The following NBPF14 variants were observed in gnomAD, a reference collection of about 807,000 sequenced individuals.
NBPF14 encodes the protein NBPF member 14, also known as NBPF family member NBPF14.
A neutral mutation model predicts 91.2 loss-of-function variants in NBPF14; 104 were observed. That is an observed-to-expected ratio of 1.14 (90% CI 0.97 to 1.34). NBPF14 has a LOEUF of 1.34. NBPF14 is among the 40% of genes most tolerant of loss of function. NBPF14 has a pLI of 0.00. For missense variants in NBPF14, 908 were observed against 783.0 expected (o/e 1.16, Z -1.91); for synonymous variants, 294 against 303.8 (o/e 0.97, Z 0.34).
chr1:148,539,343 A>T, intron 63 of NBPF14, 67 bp downstream of exon 63: 1 of 535,924 alleles, frequency 1.9e-6, no homozygotes, highest in Non-Finnish European at 3.2e-6. Flanking sequence ...GGGCACTTGG[A>T]ACAGGAATAT....
chr1:148,586,913 C>T (rs1292471248), intron 8 of NBPF14, among the ~76,000 whole-genome samples: 1 of 143,484 alleles, frequency 7.0e-6, no homozygotes, highest in Non-Finnish European at 1.6e-5. Context: ...GTCGAGGAGG[C>T]AACATTGATT....
In NBPF14 at chr1:148,533,847, T is replaced by C. The variant is rs1172024006; in HGVS notation, c.8723+14A>G. 7 of 765,246 alleles carry C rather than the reference T, an allele frequency of 9.1e-6. No homozygotes were observed. The highest frequency in any genetic ancestry group is 5.4e-5 in the South Asian group (4 of 74,510). The allele number at this position is 765,246 out of a possible 1,614,324, so 47.4% of individuals were successfully genotyped here. On this transcript the variant is annotated intron_variant, in intron 70 of 70. Coordinates refer to ENST00000619423, the Ensembl canonical transcript of NBPF14. ...TTAACACAGAACTAAGGATCCACAA[T>C]TGCTGAAAGTCACCTGGGGCATGGT...
At chr1:148,578,909 G>C (rs1313773619) in intron 13 of NBPF14, among the ~76,000 whole-genome samples, 165 bp downstream of exon 13, 1 of 148,034 alleles carries the variant, frequency 6.8e-6, no homozygotes, top group African/African-American at 2.5e-5. Flanking sequence ...CCCCATGCCT[G>C]TGCTTCAGAC....
chr1:148,576,098 G>T (rs1333749591), intron 16 of NBPF14, among the ~76,000 whole-genome samples: 2 of 138,624 alleles, frequency 1.4e-5, no homozygotes, highest in African/African-American at 5.7e-5. Flanking sequence ...CTGAGTTAGT[G>T]CCCTCGGGAC....
intron 7 of NBPF14, among the ~76,000 whole-genome samples, chr1:148,588,686 T>C (rs1661976006): frequency 6.6e-6 from 1 of 151,872 alleles, no homozygotes; most frequent in Non-Finnish European, 1.5e-5. Context: ...CAGGTTCTAT[T>C]AGGAGTAGAC....
chr1:148,534,241 T>C (rs1654463612), intron 69 of NBPF14, among the ~76,000 whole-genome samples: 1 of 151,474 alleles, frequency 6.6e-6, no homozygotes, highest in African/African-American at 2.4e-5. Flanking sequence ...GCCATATTTT[T>C]CCAATCAACG....
intron 36 of NBPF14, 117 bp from the exon 37 acceptor site, chr1:148,560,082 T>C (rs1657468306): frequency 1.5e-6 from 1 of 677,992 alleles, no homozygotes; most frequent in Non-Finnish European, 2.7e-6. Context: ...ACAGATCCAT[T>C]AATGAGGTAA....
chr1:148,561,435 T>A, exon 35 of NBPF14: 1 of 318,166 alleles, frequency 3.1e-6, no homozygotes, highest in South Asian at 2.5e-5. Flanking sequence ...AGCCAACATG[T>A]TTTTCCTCCA....
chr1:148,534,522 C>A (rs1270158014), intron 69 of NBPF14, among the ~76,000 whole-genome samples, 162 bp downstream of exon 69: 4 of 151,760 alleles, frequency 2.6e-5, no homozygotes, highest in Non-Finnish European at 2.9e-5. Flanking sequence ...CATGTCTAGG[C>A]TTCCAGCTGA....
At chr1:148,572,507 C>T (rs1659252939) in exon 21 of NBPF14, 2 of 598,496 alleles carry the variant, frequency 3.3e-6, no homozygotes, top group South Asian at 1.6e-5. Flanking sequence ...TGCTGTAGGG[C>T]TGGCCTAAGT....
chr1:148,566,947 G>T lies in NBPF14; in HGVS notation c.3542+5C>A. On this transcript the variant is annotated splice_donor_5th_base_variant and intron_variant, in intron 28 of 70. Coordinates refer to ENST00000619423, the Ensembl canonical transcript of NBPF14. Reference sequence around the variant, plus strand: ...AGAAGTAGCTGTTCACAATTGCTCAGTTACCTGGGGCATGGTGGGTCTTGG... The same window carrying T: ...AGAAGTAGCTGTTCACAATTGCTCATTTACCTGGGGCATGGTGGGTCTTGG... 3.7e-6 allele frequency: 1 copy of T among 271,304 alleles called. No homozygotes were observed. The highest frequency in any genetic ancestry group is 2.4e-5 in the South Asian group (1 of 42,296). 16.8% of individuals were successfully genotyped at this position (271,304 alleles called of 1,614,324 possible).
chr1:148,533,042 T>C (rs1285981006), exon 71 of NBPF14: 2 of 1,096,438 alleles, frequency 1.8e-6, no homozygotes, highest in East Asian at 2.5e-5. Flanking sequence ...GAACACCAGG[T>C]GGAGACTTGT....
At chr1:148,577,885 A>C (rs1483962077) in intron 14 of NBPF14, 98 bp downstream of exon 14, 1 of 608,860 alleles carries the variant, frequency 1.6e-6, no homozygotes, top group Admixed American at 2.7e-5. Flanking sequence ...CTTGTCTGAC[A>C]AGACAAAATC....
chr1:148,531,395 A>G (rs1293154134), exon 71 of NBPF14: 3 of 103,538 alleles, frequency 2.9e-5, no homozygotes, highest in Admixed American at 1.1e-4. Flanking sequence ...TGGAAATGAA[A>G]TGTTTTTATT....
At chr1:148,572,613 A>C (rs1570977040) in exon 21 of NBPF14, 4 of 568,010 alleles carry the variant, frequency 7.0e-6, no homozygotes, top group Non-Finnish European at 1.2e-5. Context: ...CTCCCTGCTG[A>C]GCCTGGAAAA....
intron 37 of NBPF14, 115 bp downstream of exon 37, chr1:148,559,678 G>C (rs1183759082): frequency 1.5e-6 from 1 of 658,640 alleles, no homozygotes. Context: ...TGTGCCTATA[G>C]GTCCTCCCTG....
chr1:148,566,529 AC>A (rs1658383961), intron 28 of NBPF14, among the ~76,000 whole-genome samples: 2 of 128,894 alleles, frequency 1.6e-5, no homozygotes, highest in African/African-American at 2.6e-5. Flanking sequence ...ACACACACAC[AC>A]ACACACACAC....
intron 60 of NBPF14, 147 bp downstream of exon 60, chr1:148,541,584 T>A: frequency 1.7e-4 from 1 of 5,848 alleles, no homozygotes; most frequent in Non-Finnish European, 2.8e-4. Flanking sequence ...AACCTAAACA[T>A]CTACTGCAAT....
intron 28 of NBPF14, among the ~76,000 whole-genome samples, 194 bp from the exon 29 acceptor site, chr1:148,566,509 AC>A (rs1658363224): frequency 2.1e-5 from 1 of 46,596 alleles, no homozygotes; most frequent in Non-Finnish European, 3.3e-5. Context: ...AGAAAGACAG[AC>A]ACACACACAC....
Sources: gnomAD v4.1 joint callset for allele counts (sites outside exome capture counted in the v4.1 genomes callset) on GRCh38, gnomAD v4.1.1 for gene constraint, MANE v1.5 for transcripts, NCBI Gene and HGNC (gene_info 2026-07-23, HGNC 2026-07-21) for gene names.